The following ISOC1 variants were observed in gnomAD, a reference collection of about 807,000 sequenced individuals.
ISOC1 encodes isochorismatase domain-containing protein 1.
ISOC1 carries 33 observed loss-of-function variants against 30.0 expected under a neutral mutation model. That is an observed-to-expected ratio of 1.10 (90% CI 0.83 to 1.47). ISOC1 has a LOEUF of 1.47. Ranked by LOEUF, ISOC1 falls within the 40% of genes most tolerant of loss-of-function variation. The pLI is 0.00. For synonymous variants in ISOC1, 178 were observed against 159.8 expected (o/e 1.11, Z -0.86); for missense variants, 372 against 388.0 (o/e 0.96, Z 0.35).
intron 1 of ISOC1, among the ~76,000 whole-genome samples, chr5:129,103,057 G>A (rs1236201614): frequency 6.6e-6 from 1 of 152,112 alleles, no homozygotes; most frequent in East Asian, 1.9e-4. Context: ...GGTGAGACTG[G>A]CTTACTTGCA....
intron 4 of ISOC1, among the ~76,000 whole-genome samples, chr5:129,110,926 A>G (rs1261283194): frequency 6.6e-6 from 1 of 152,174 alleles, no homozygotes; most frequent in Admixed American, 6.5e-5. Flanking sequence ...TTGCAAGTCC[A>G]TTGATTCAAC....
intron 1 of ISOC1, among the ~76,000 whole-genome samples, chr5:129,103,736 C>T (rs1753598832): frequency 1.3e-5 from 2 of 152,028 alleles, no homozygotes; most frequent in African/African-American, 4.8e-5. Flanking sequence ...GTGGTGAAGC[C>T]ACACCATGTA....
At chr5:129,107,212 T>C (rs896554289) in intron 4 of ISOC1, 150 bp downstream of exon 4, 2 of 615,260 alleles carry the variant, frequency 3.3e-6, no homozygotes, top group Non-Finnish European at 5.9e-6. Flanking sequence ...GTGCACTGAC[T>C]GACCCTTAAG....
intron 1 of ISOC1, among the ~76,000 whole-genome samples, chr5:129,099,220 C>G (rs1753543326): frequency 6.6e-6 from 1 of 152,050 alleles, no homozygotes; most frequent in Non-Finnish European, 1.5e-5. Context: ...TTTTTTCTTG[C>G]ATTTAGCTAA....
intron 4 of ISOC1, 78 bp from the exon 5 acceptor site, chr5:129,112,777 C>A (rs934152962): frequency 2.0e-6 from 3 of 1,469,842 alleles, no homozygotes; most frequent in Non-Finnish European, 9.3e-7. Flanking sequence ...TTATTGCATC[C>A]CAGCATAGTG....
chr5:129,102,575 C>T (rs1322343908), intron 1 of ISOC1, among the ~76,000 whole-genome samples: 3 of 152,154 alleles, frequency 2.0e-5, no homozygotes, highest in African/African-American at 4.8e-5. Context: ...TTAAAAATAT[C>T]TTGACCATTT....
At position 129,107,813 on chromosome 5, in the gene ISOC1, C is replaced by T. The variant is rs554335640; in HGVS notation, c.750+751C>T. ...CATTGACTGTGGACACCACTCACAT[C>T]CAGTGTTTCATGGTAGTCTTGGCAT... On this transcript the variant is annotated intron_variant, in intron 4 of 4. Transcript: ENST00000173527. Among the ~76,000 whole-genome samples the T allele has an allele frequency of 3.3e-5, 5 of 152,246 alleles. No homozygotes were observed. In the South Asian group the frequency reaches 1.0e-3, roughly 32 times the overall value.
Position 129,094,808 on chromosome 5 carries a change from C to G in ISOC1, c.42C>G (p.Ser14Arg). The G allele has an allele frequency of 6.5e-7, 1 of 1,535,100 alleles. No individual in the cohort carries two copies. The highest frequency in any genetic ancestry group is 8.7e-7 in the Non-Finnish European group (1 of 1,145,100). ...AEPAVLALPN[S>R]GAGGAGAPSG... ...CGGCGGTCCTTGCGCTCCCCAACAG[C>G]GGCGCCGGGGGCGCGGGGGCGCCGT... is the stretch of plus-strand genomic sequence containing the variant. Residue 14 changes from serine to arginine, a missense_variant, in exon 1 of 5, where the codon AGC (serine) becomes AGG (arginine). Transcript: ENST00000173527.
chr5:129,105,143 G>A (rs1753619995), intron 2 of ISOC1, 42 bp from the exon 3 acceptor site: 5 of 1,612,126 alleles, frequency 3.1e-6, no homozygotes. Context: ...ACACATATAT[G>A]TATATAGCTA....
At chr5:129,098,048 G>T (rs1036651107) in intron 1 of ISOC1, among the ~76,000 whole-genome samples, 6 of 152,082 alleles carry the variant, frequency 3.9e-5, no homozygotes, top group African/African-American at 1.4e-4. Flanking sequence ...CCACACTTGG[G>T]CCCTGGAGCC....
intron 1 of ISOC1, among the ~76,000 whole-genome samples, chr5:129,102,188 T>C (rs542166938): frequency 6.6e-6 from 1 of 152,332 alleles, no homozygotes; most frequent in South Asian, 2.1e-4. Flanking sequence ...CTTACATAGA[T>C]ACTCTCCACA....
In ISOC1 at chr5:129,105,491, T is replaced by C. The variant is rs191750556; in HGVS notation, c.633+103T>C. ...TGGTATGCCAGGTAGGCAGTAATAA[T>C]GAGGAAAGGTAGCCACCATGTATTA... On this transcript the variant is annotated intron_variant, in intron 3 of 4. Coordinates refer to ENST00000173527, the MANE Select transcript of ISOC1 (RefSeq NM_016048.2). 317 of 915,538 alleles carry C rather than the reference T, an allele frequency of 3.5e-4. 2 individuals are homozygous for C. The African/African-American group carries it at 4.6e-3, about 13-fold the overall frequency. The allele number at this position is 915,538 out of a possible 1,614,324, so 56.7% of individuals were successfully genotyped here.
At chr5:129,099,775 G>A (rs1326641993) in intron 1 of ISOC1, among the ~76,000 whole-genome samples, 1 of 152,080 alleles carries the variant, frequency 6.6e-6, no homozygotes, top group Non-Finnish European at 1.5e-5. Flanking sequence ...TAATATATGA[G>A]GGACATCAGA....
At chr5:129,106,057 TG>T (rs1753634556) in intron 3 of ISOC1, among the ~76,000 whole-genome samples, 2 of 152,230 alleles carry the variant, frequency 1.3e-5, no homozygotes. Flanking sequence ...CAGGCTTAGA[TG>T]TATATTCAAT....
chr5:129,103,089 T>C (rs1244669354), intron 1 of ISOC1, among the ~76,000 whole-genome samples: 1 of 152,210 alleles, frequency 6.6e-6, no homozygotes, highest in Non-Finnish European at 1.5e-5. Flanking sequence ...TCAGTAGGCC[T>C]GCTGCAGGCA....
At chr5:129,112,106 T>C (rs956666378) in intron 4 of ISOC1, among the ~76,000 whole-genome samples, 2 of 152,222 alleles carry the variant, frequency 1.3e-5, no homozygotes, top group Admixed American at 6.5e-5. Flanking sequence ...TTAATTCTTA[T>C]AGTAGTTTTA....
intron 1 of ISOC1, 41 bp downstream of exon 1, chr5:129,095,116 TCGTCCC>T (rs772785880): frequency 2.0e-6 from 3 of 1,495,252 alleles, no homozygotes; most frequent in Middle Eastern, 2.4e-4. Context: ...TGTTCCCGAG[TCGTCCC>T]CGTCCCCGTC....
intron 4 of ISOC1, among the ~76,000 whole-genome samples, chr5:129,107,663 C>A (rs1374471327): frequency 6.6e-6 from 1 of 152,088 alleles, no homozygotes; most frequent in Non-Finnish European, 1.5e-5. Flanking sequence ...TATACAAATA[C>A]TATGCTGTTT....
At chr5:129,095,482 T>G (rs907151231) in intron 1 of ISOC1, among the ~76,000 whole-genome samples, 1 of 152,188 alleles carries the variant, frequency 6.6e-6, no homozygotes, top group African/African-American at 2.4e-5. Flanking sequence ...AATGAGATTG[T>G]GGGGAGTATT....
Sources: gnomAD v4.1 joint callset for allele counts (sites outside exome capture counted in the v4.1 genomes callset) on GRCh38, gnomAD v4.1.1 for gene constraint, MANE v1.5 for transcripts, NCBI Gene and HGNC (gene_info 2026-07-23, HGNC 2026-07-21) for gene names.